Variants in SLCO1B1 observed in about 807,000 individuals in gnomAD.
SLCO1B1 encodes the protein OATP-2.
Under a neutral mutation model 70.1 loss-of-function variants are expected in SLCO1B1, and 81 were observed. That is an observed-to-expected ratio of 1.16 (90% CI 0.97 to 1.39). The LOEUF (loss-of-function observed/expected upper bound fraction) is 1.39, where lower values mean the gene tolerates loss of function less well. Among genes scored for constraint, SLCO1B1 ranks in the 40% most tolerant of loss-of-function variants. The probability of loss-of-function intolerance (pLI) is 0.00; values close to 1 mark genes in which losing one functional copy is unlikely to be tolerated. For synonymous variants in SLCO1B1, 283 were observed against 271.5 expected (o/e 1.04, Z -0.42); for missense variants, 895 against 799.6 (o/e 1.12, Z -1.44).
At position 21,239,363 on chromosome 12, in the gene SLCO1B1, A is replaced by G; in HGVS notation, c.*174A>G. On this transcript the variant is annotated 3_prime_UTR_variant, in exon 15 of 15. Coordinates refer to ENST00000256958, the MANE Select transcript of SLCO1B1 (RefSeq NM_006446.5). ...AATAAAACAAACTGTAGGTAGAAAA[A>G]ATGAGAGTACTCATTGTTACATTAT... The G allele has an allele frequency of 1.6e-6, 1 of 607,648 alleles. No individual in the cohort carries two copies. The highest frequency in any genetic ancestry group is 3.0e-6 in the Non-Finnish European group (1 of 335,992). 37.6% of individuals were successfully genotyped at this position (607,648 alleles called of 1,614,324 possible).
chr12:21,155,324 A>G (rs1220032688), intron 2 of SLCO1B1, among the ~76,000 whole-genome samples: 1 of 151,830 alleles, frequency 6.6e-6, no homozygotes, highest in Non-Finnish European at 1.5e-5. Context: ...TCTTGTTTTA[A>G]GCCCATATAT....
At chr12:21,194,272 C>A (rs1014099945) in intron 7 of SLCO1B1, among the ~76,000 whole-genome samples, 1 of 152,126 alleles carries the variant, frequency 6.6e-6, no homozygotes, top group African/African-American at 2.4e-5. Context: ...CCGTCTCAGC[C>A]TCCCAAAGTG....
At chr12:21,156,436 A>C (rs1434723580) in intron 2 of SLCO1B1, among the ~76,000 whole-genome samples, 2 of 152,226 alleles carry the variant, frequency 1.3e-5, no homozygotes, top group Non-Finnish European at 2.9e-5. Context: ...TAGTGAACTT[A>C]TACAATTTGC....
Position 21,194,080 on chromosome 12 carries a change from C to T in SLCO1B1, c.728-2866C>T, listed in dbSNP as rs544160075. 6.5e-4 allele frequency among the ~76,000 whole-genome samples: 99 copies of T among 152,250 alleles called. 1 individual carries two copies. Among genetic ancestry groups the T allele is most frequent in the African/African-American group, 2.2e-3 (92 of 41,554 alleles). On this transcript the variant is annotated intron_variant, in intron 7 of 14. Coordinates refer to ENST00000256958, the MANE Select transcript of SLCO1B1 (RefSeq NM_006446.5). ...TGCTGGGATTACAGGCGTGAGCCAC[C>T]GTGCCCGGCCAAGTCATCACCCTTT...
intron 11 of SLCO1B1, among the ~76,000 whole-genome samples, chr12:21,211,976 C>T (rs56297008): frequency 0.21 from 31,247 of 145,708 alleles, 3,701 homozygotes; most frequent in East Asian, 0.43. Context: ...GTCTTGCTAG[C>T]GGTCTATCAA....
At chr12:21,156,960 T>C (rs1940551544) in intron 2 of SLCO1B1, among the ~76,000 whole-genome samples, 1 of 152,178 alleles carries the variant, frequency 6.6e-6, no homozygotes, top group Non-Finnish European at 1.5e-5. Context: ...GATAAATCAA[T>C]AGTCTTCCAA....
intron 2 of SLCO1B1, among the ~76,000 whole-genome samples, chr12:21,168,950 A>G (rs1183053354): frequency 6.6e-6 from 1 of 151,810 alleles, no homozygotes; most frequent in African/African-American, 2.4e-5. Context: ...AAATTGCCAA[A>G]TTGAATGTCC....
At chr12:21,204,147 TA>T (rs1941187383) in intron 10 of SLCO1B1, among the ~76,000 whole-genome samples, 1 of 152,022 alleles carries the variant, frequency 6.6e-6, no homozygotes, top group African/African-American at 2.4e-5. Flanking sequence ...AGTTTTTTTT[TA>T]AGTATGAATT....
intron 10 of SLCO1B1, among the ~76,000 whole-genome samples, chr12:21,204,048 A>G (rs1469821685): frequency 3.3e-5 from 5 of 152,028 alleles, no homozygotes; most frequent in Non-Finnish European, 1.5e-5. Flanking sequence ...TATTTGTAGG[A>G]TACATCAGTT....
intron 2 of SLCO1B1, among the ~76,000 whole-genome samples, chr12:21,157,350 A>G (rs1940555734): frequency 6.6e-6 from 1 of 152,102 alleles, no homozygotes; most frequent in Non-Finnish European, 1.5e-5. Flanking sequence ...AGAAACCTAC[A>G]TGAAATAAAA....
intron 1 of SLCO1B1, among the ~76,000 whole-genome samples, chr12:21,136,910 A>C (rs1940230582): frequency 6.6e-6 from 1 of 151,960 alleles, no homozygotes; most frequent in Admixed American, 6.6e-5. Flanking sequence ...AGGCGCTCTG[A>C]TCTTTAGAGT....
chr12:21,183,991 A>C lies in SLCO1B1; in HGVS notation c.727+4971A>C, dbSNP rs188280377. Among the ~76,000 whole-genome samples, 7 of 152,246 alleles carry C rather than the reference A, an allele frequency of 4.6e-5. 1 individual carries two copies. The highest frequency in any genetic ancestry group is 3.3e-4 in the Admixed American group (5 of 15,288). On this transcript the variant is annotated intron_variant, in intron 7 of 14. Transcript: ENST00000256958. ...ACAGAACATACCAAAGAGAGAAAAG[A>C]ATCTCAGAGCTTAAAAACCAGTTTT...
intron 11 of SLCO1B1, among the ~76,000 whole-genome samples, chr12:21,208,931 T>C (rs1266718118): frequency 6.6e-6 from 1 of 152,082 alleles, no homozygotes; most frequent in East Asian, 1.9e-4. Flanking sequence ...GTTTAACTGT[T>C]ATCGGTGTAT....
At chr12:21,204,538 T>A (rs1412575538) in intron 10 of SLCO1B1, among the ~76,000 whole-genome samples, 11 of 149,180 alleles carry the variant, frequency 7.4e-5, no homozygotes, top group Admixed American at 3.4e-4. Flanking sequence ...AAAAACCCTG[T>A]GAGGTTGGCA....
chr12:21,186,734 T>C (rs1940966575), intron 7 of SLCO1B1, among the ~76,000 whole-genome samples: 1 of 151,982 alleles, frequency 6.6e-6, no homozygotes, highest in Admixed American at 6.6e-5. Context: ...AGGCACAAAA[T>C]CTTGCACTTT....
intron 12 of SLCO1B1, 39 bp from the exon 13 acceptor site, chr12:21,222,261 A>G (rs1941430103): frequency 9.9e-7 from 1 of 1,013,060 alleles, no homozygotes; most frequent in South Asian, 1.7e-5. Flanking sequence ...TTGATATTTT[A>G]ATGATATTTA....
intron 10 of SLCO1B1, 65 bp from the exon 11 acceptor site, chr12:21,205,803 C>T: frequency 5.0e-6 from 6 of 1,189,688 alleles, no homozygotes; most frequent in South Asian, 2.8e-5. Context: ...CTTCCTTCTC[C>T]TCCCCTTCTT....
chr12:21,215,090 C>G (rs755225900), intron 11 of SLCO1B1, among the ~76,000 whole-genome samples: 17 of 151,694 alleles, frequency 1.1e-4, no homozygotes, highest in Non-Finnish European at 2.2e-4. Flanking sequence ...GCTCCTCCAA[C>G]CAGGGTTTTT....
chr12:21,200,408 T>C (rs560409404), intron 8 of SLCO1B1, 100 bp from the exon 9 acceptor site: 4 of 707,610 alleles, frequency 5.7e-6, no homozygotes, highest in South Asian at 2.3e-5. Context: ...TATGTGTTTA[T>C]AGAATTTTAA....
Sources: gnomAD v4.1 joint callset for allele counts (sites outside exome capture counted in the v4.1 genomes callset) on GRCh38, gnomAD v4.1.1 for gene constraint, MANE v1.5 for transcripts, NCBI Gene and HGNC (gene_info 2026-07-23, HGNC 2026-07-21) for gene names.